The following C5orf22 variants were observed in gnomAD, a reference collection of about 807,000 sequenced individuals.
C5orf22 encodes the protein UPF0489 protein C5orf22.
A neutral mutation model predicts 48.7 loss-of-function variants in C5orf22; 36 were observed. The observed-to-expected ratio is 0.74, with a 90% CI of 0.57 to 0.98. The LOEUF (loss-of-function observed/expected upper bound fraction) is 0.98, where lower values mean the gene tolerates loss of function less well. Ranked by LOEUF, C5orf22 falls within the 50% of genes least tolerant of loss-of-function variation. The probability of loss-of-function intolerance (pLI) is 0.00; values close to 1 mark genes in which losing one functional copy is unlikely to be tolerated. For missense variants in C5orf22, 486 were observed against 521.9 expected (o/e 0.93, Z 0.67); for synonymous variants, 141 against 180.8 (o/e 0.78, Z 1.76).
intron 7 of C5orf22, 117 bp from the exon 8 acceptor site, chr5:31,551,176 A>G: frequency 2.0e-6 from 2 of 979,480 alleles, no homozygotes; most frequent in Non-Finnish European, 3.0e-6. Context: ...CCCTGAAAAT[A>G]TGCACATCTT....
intron 4 of C5orf22, among the ~76,000 whole-genome samples, chr5:31,540,430 G>A (rs962727389): frequency 6.6e-6 from 1 of 152,172 alleles, no homozygotes; most frequent in African/African-American, 2.4e-5. Flanking sequence ...CCTCCTGACC[G>A]AGGTTCTATG....
In C5orf22 at chr5:31,536,306, G is replaced by A. The variant is rs78005026; in HGVS notation, c.377+413G>A. On this transcript the variant is annotated intron_variant, in intron 3 of 8. Coordinates refer to ENST00000325366, the MANE Select transcript of C5orf22 (RefSeq NM_018356.3). Reference sequence around the variant, plus strand: ...GAGGCCGAGGTGGGCAGAAGACGAGGTCAAGAGATCGAGATCATCCTGGCT... The same window carrying A: ...GAGGCCGAGGTGGGCAGAAGACGAGATCAAGAGATCGAGATCATCCTGGCT... 6.3e-3 allele frequency among the ~76,000 whole-genome samples: 958 copies of A among 152,296 alleles called. 12 individuals carry two copies. The highest frequency in any genetic ancestry group is 0.022 in the African/African-American group (901 of 41,548).
At chr5:31,549,580 T>C (rs1743122040) in intron 7 of C5orf22, among the ~76,000 whole-genome samples, 1 of 152,126 alleles carries the variant, frequency 6.6e-6, no homozygotes, top group Admixed American at 6.6e-5. Context: ...ACTTAAGGTT[T>C]GAAAATGTTT....
At chr5:31,544,577 C>A (rs1406127960) in intron 6 of C5orf22, among the ~76,000 whole-genome samples, 4 of 147,734 alleles carry the variant, frequency 2.7e-5, no homozygotes, top group Non-Finnish European at 6.0e-5. Flanking sequence ...GAGTGAGACT[C>A]TTGTCTCAAA....
chr5:31,547,287 C>G (rs1457598177), intron 7 of C5orf22, among the ~76,000 whole-genome samples: 1 of 152,262 alleles, frequency 6.6e-6, no homozygotes, highest in Non-Finnish European at 1.5e-5. Context: ...GGGATACAAC[C>G]TCCCTCCTGG....
chr5:31,538,807 C>A, intron 4 of C5orf22, 118 bp downstream of exon 4: 1 of 725,922 alleles, frequency 1.4e-6, no homozygotes, highest in Non-Finnish European at 2.2e-6. Context: ...TTGGGGTTCA[C>A]ATTCTCTACT....
intron 1 of C5orf22, among the ~76,000 whole-genome samples, chr5:31,532,985 C>T (rs1021431802): frequency 2.0e-5 from 3 of 151,948 alleles, no homozygotes; most frequent in Non-Finnish European, 4.4e-5. Context: ...GACGGAGTCT[C>T]TCTCTGTTAC....
At chr5:31,549,860 A>C (rs993776902) in intron 7 of C5orf22, among the ~76,000 whole-genome samples, 44 of 152,354 alleles carry the variant, frequency 2.9e-4, no homozygotes, top group Non-Finnish European at 6.2e-4. Context: ...ACAGAGTGAG[A>C]CTTTGTGTCA....
At position 31,549,567 on chromosome 5, in the gene C5orf22, G is replaced by C. The variant is rs1421316543; in HGVS notation, c.1060-1726G>C. On this transcript the variant is annotated intron_variant, in intron 7 of 8. Coordinates refer to ENST00000325366, the MANE Select transcript of C5orf22 (RefSeq NM_018356.3). ...ATGGTAATTAAGAAGATCGTTATAA[G>C]ATACTTAAGGTTTGAAAATGTTTTG... Among the ~76,000 whole-genome samples the C allele has an allele frequency of 5.9e-5, 9 of 151,876 alleles. 1 individual carries two copies. The highest frequency in any genetic ancestry group is 1.5e-5 in the Non-Finnish European group (1 of 68,012).
At position 31,554,649 on chromosome 5, in the gene C5orf22, A is replaced by G. The variant is rs1168834761; in HGVS notation, c.*1747A>G. ...TTGCGTGCTAAATAAGTTAAAGGGT[A>G]TGTTTTGAACTATAGCACTAATTAA... On this transcript the variant is annotated 3_prime_UTR_variant, in exon 9 of 9. Coordinates refer to ENST00000325366, the MANE Select transcript of C5orf22 (RefSeq NM_018356.3). 3 of 152,226 alleles carry G rather than the reference A, an allele frequency of 2.0e-5. No homozygotes were observed. Among genetic ancestry groups the G allele is most frequent in the Non-Finnish European group, 4.4e-5 (3 of 68,038 alleles). The allele number at this position is 152,226 out of a possible 1,614,324, so 9.4% of individuals were successfully genotyped here.
intron 3 of C5orf22, among the ~76,000 whole-genome samples, chr5:31,536,290 G>A (rs1015908848): frequency 6.6e-6 from 1 of 152,206 alleles, no homozygotes; most frequent in African/African-American, 2.4e-5. Context: ...GGAGGCCGAG[G>A]TGGGCAGAAG....
chr5:31,540,740 A>G (rs1742400679), intron 4 of C5orf22: 1 of 496,406 alleles, frequency 2.0e-6, no homozygotes, highest in South Asian at 2.8e-5. Context: ...GATATTTACA[A>G]TAAAACAAAA....
chr5:31,544,125 A>G (rs1266515952), intron 6 of C5orf22, among the ~76,000 whole-genome samples: 1 of 152,146 alleles, frequency 6.6e-6, no homozygotes, highest in Non-Finnish European at 1.5e-5. Flanking sequence ...TTAAAAGGAA[A>G]AAGTAACAGG....
At chr5:31,543,040 A>G (rs1282739972) in intron 6 of C5orf22, among the ~76,000 whole-genome samples, 1 of 152,182 alleles carries the variant, frequency 6.6e-6, no homozygotes, top group African/African-American at 2.4e-5. Context: ...GCCTCTGGGG[A>G]GAGGAATTCT....
At chr5:31,548,501 T>G in intron 7 of C5orf22, 1 of 440,052 alleles carries the variant, frequency 2.3e-6, no homozygotes, top group Non-Finnish European at 4.5e-6. Flanking sequence ...TCCCAGCAAG[T>G]TCTTCATCTC....
At chr5:31,541,127 T>C (rs1484598921) in intron 5 of C5orf22, 116 bp downstream of exon 5, 3 of 921,120 alleles carry the variant, frequency 3.3e-6, no homozygotes, top group Non-Finnish European at 5.1e-6. Context: ...TGTGTGTGTG[T>C]GTGTGTGTGT....
Position 31,554,986 on chromosome 5 carries a change from G to C in C5orf22, c.*2084G>C, listed in dbSNP as rs1015632228. ...TTCTGAGTACCAGTGAGGGGATACC[G>C]TGGTACAGTGTTTTGAATTGTGTAC... On this transcript the variant is annotated 3_prime_UTR_variant, in exon 9 of 9. Transcript: ENST00000325366. 2 of 152,206 alleles carry C rather than the reference G, an allele frequency of 1.3e-5. No homozygotes were observed. The highest frequency in any genetic ancestry group is 2.4e-5 in the African/African-American group (1 of 41,448). The allele number at this position is 152,206 out of a possible 1,614,324, so 9.4% of individuals were successfully genotyped here. A position where few individuals can be genotyped will look rare whatever the true frequency, so the allele number is the denominator to read the frequency against.
chr5:31,540,035 C>T (rs1021313642), intron 4 of C5orf22, among the ~76,000 whole-genome samples: 2 of 151,984 alleles, frequency 1.3e-5, no homozygotes, highest in Non-Finnish European at 2.9e-5. Context: ...TGGGTGACAG[C>T]GAGACCCCAT....
chr5:31,548,166 G>T (rs1743014888), intron 7 of C5orf22, among the ~76,000 whole-genome samples: 1 of 152,100 alleles, frequency 6.6e-6, no homozygotes, highest in Non-Finnish European at 1.5e-5. Context: ...GCTGGGTGTG[G>T]CAGTGCACAC....
Sources: gnomAD v4.1 joint callset for allele counts (sites outside exome capture counted in the v4.1 genomes callset) on GRCh38, gnomAD v4.1.1 for gene constraint, MANE v1.5 for transcripts, NCBI Gene and HGNC (gene_info 2026-07-23, HGNC 2026-07-21) for gene names.